ATRNL1: variants seen among roughly 807,000 people sequenced by gnomAD.
ATRNL1 encodes attractin like 1.
ATRNL1 carries 95 observed loss-of-function variants against 182.7 expected under a neutral mutation model. That is an observed-to-expected ratio of 0.52 (90% confidence interval 0.44 to 0.62). The LOEUF is 0.62. Among genes scored for constraint, ATRNL1 ranks in the 20% least tolerant of loss-of-function variants. The pLI is 0.00. For synonymous variants in ATRNL1, 576 were observed against 568.3 expected, an observed-to-expected ratio of 1.01 and a Z score of -0.19; for missense variants, 1,471 against 1,679.5, an observed-to-expected ratio of 0.88 and a Z score of 2.17.
chr10:115,472,508 T>C (rs1162618657), intron 24 of ATRNL1, among the ~76,000 whole-genome samples: 2 of 151,088 alleles, frequency 1.3e-5, no homozygotes, highest in Non-Finnish European at 3.0e-5. Context: ...TATTGATGTT[T>C]TGAATTTCTT....
intron 19 of ATRNL1, among the ~76,000 whole-genome samples, chr10:115,378,773 T>C (rs749777937): frequency 6.6e-6 from 1 of 152,252 alleles, no homozygotes; most frequent in Non-Finnish European, 1.5e-5. Context: ...CTTTTGTCTT[T>C]GTTAGAATTC....
intron 26 of ATRNL1, among the ~76,000 whole-genome samples, chr10:115,584,065 G>A (rs190667604): frequency 2.7e-4 from 41 of 152,108 alleles, no homozygotes; most frequent in Middle Eastern, 3.4e-3. Flanking sequence ...ATTGATTTGC[G>A]TGTATTCAAC....
chr10:115,621,229 T>A, intron 26 of ATRNL1, among the ~76,000 whole-genome samples: 1 of 136,904 alleles, frequency 7.3e-6, no homozygotes, highest in African/African-American at 2.8e-5. Flanking sequence ...CCTTATAGAG[T>A]TCAAATAATG....
At chr10:115,938,358 C>T (rs1462156007) in intron 28 of ATRNL1, among the ~76,000 whole-genome samples, 2 of 152,184 alleles carry the variant, frequency 1.3e-5, no homozygotes, top group African/African-American at 2.4e-5. Context: ...TTTAAAAAGA[C>T]ATGTTTACCA....
At chr10:115,646,720 T>C (rs553550228) in intron 26 of ATRNL1, among the ~76,000 whole-genome samples, 51 of 151,990 alleles carry the variant, frequency 3.4e-4, no homozygotes, top group African/African-American at 1.2e-3. Context: ...TATATTCATG[T>C]ATGTGTATTA....
At chr10:115,554,373 A>AAAAT (rs1853188434) in intron 26 of ATRNL1, among the ~76,000 whole-genome samples, 1 of 151,630 alleles carries the variant, frequency 6.6e-6, no homozygotes, top group South Asian at 2.1e-4. Flanking sequence ...AATTTACTTT[A>AAAAT]AAATAACTTG....
chr10:115,216,975 AT>A (rs1849258967), intron 9 of ATRNL1, among the ~76,000 whole-genome samples: 1 of 152,002 alleles, frequency 6.6e-6, no homozygotes, highest in Admixed American at 6.6e-5. Flanking sequence ...TCTTCTGTAC[AT>A]TTAATATTTG....
chr10:115,587,713 C>T (rs560025391), intron 26 of ATRNL1, among the ~76,000 whole-genome samples: 4 of 151,698 alleles, frequency 2.6e-5, no homozygotes, highest in South Asian at 4.2e-4. Context: ...AGAAATCACC[C>T]GTCTTCTGCC....
At chr10:115,541,120 C>A (rs912170768) in intron 25 of ATRNL1, among the ~76,000 whole-genome samples, 4 of 152,094 alleles carry the variant, frequency 2.6e-5, no homozygotes, top group African/African-American at 7.2e-5. Flanking sequence ...AGCATTATGA[C>A]GAGTCAAGTC....
intron 24 of ATRNL1, among the ~76,000 whole-genome samples, chr10:115,504,454 T>C (rs1850006673): frequency 6.6e-6 from 1 of 152,042 alleles, no homozygotes; most frequent in South Asian, 2.1e-4. Context: ...TATGGTAATC[T>C]TACTAAATTT....
chr10:115,701,853 G>A (rs928479208), intron 26 of ATRNL1, among the ~76,000 whole-genome samples: 22 of 151,854 alleles, frequency 1.4e-4, no homozygotes, highest in Admixed American at 1.4e-3. Flanking sequence ...ATTCACAGCT[G>A]AATTCTACTA....
chr10:115,740,341 G>C (rs1555067301), intron 27 of ATRNL1, among the ~76,000 whole-genome samples: 1 of 139,272 alleles, frequency 7.2e-6, no homozygotes, highest in Non-Finnish European at 1.5e-5. Context: ...GCTTTATAGA[G>C]AAAGGCTCTG....
At chr10:115,243,879 T>C (rs1242220272) in intron 10 of ATRNL1, among the ~76,000 whole-genome samples, 1 of 152,164 alleles carries the variant, frequency 6.6e-6, no homozygotes, top group Non-Finnish European at 1.5e-5. Flanking sequence ...TTCGGCTTTA[T>C]CTCATTTGAT....
intron 24 of ATRNL1, among the ~76,000 whole-genome samples, chr10:115,473,787 G>C (rs1554972573): frequency 6.6e-6 from 1 of 151,158 alleles, no homozygotes; most frequent in Non-Finnish European, 1.5e-5. Flanking sequence ...ATTTTCACAT[G>C]ATTCAGTCTT....
chr10:115,277,931 A>G (rs991735338), intron 13 of ATRNL1, among the ~76,000 whole-genome samples: 2 of 152,192 alleles, frequency 1.3e-5, no homozygotes, highest in African/African-American at 2.4e-5. Flanking sequence ...TGTGACAGAT[A>G]TATACAGAAG....
chr10:115,097,949 C>T (rs1272609924), intron 1 of ATRNL1, among the ~76,000 whole-genome samples: 2 of 152,010 alleles, frequency 1.3e-5, no homozygotes, highest in Non-Finnish European at 2.9e-5. Context: ...TAAACAACAA[C>T]AACAAAAAAC....
At chr10:115,523,004 C>T (rs569257910) in intron 25 of ATRNL1, among the ~76,000 whole-genome samples, 27 of 152,304 alleles carry the variant, frequency 1.8e-4, no homozygotes, top group Admixed American at 9.8e-4. Flanking sequence ...GGCCTCCAAC[C>T]GCATATTTCT....
chr10:115,771,315 C>A (rs1407315912), intron 27 of ATRNL1, among the ~76,000 whole-genome samples: 1 of 151,676 alleles, frequency 6.6e-6, no homozygotes, highest in Non-Finnish European at 1.5e-5. Context: ...ACTGCAAGCT[C>A]CGCCTCCTGG....
chr10:115,163,463 A>G (rs190729507), intron 6 of ATRNL1, among the ~76,000 whole-genome samples: 6 of 151,850 alleles, frequency 4.0e-5, no homozygotes, highest in African/African-American at 1.2e-4. Flanking sequence ...TTCTGGGCCC[A>G]GGCGATCCTT....
Sources: allele counts gnomAD v4.1 joint callset (sites outside exome capture counted in the v4.1 genomes callset), GRCh38; gene constraint gnomAD v4.1.1; transcripts MANE v1.5; gene names NCBI Gene and HGNC (gene_info 2026-07-23, HGNC 2026-07-21).